AGK: variants seen among roughly 807,000 people sequenced by gnomAD.
AGK encodes acylglycerol kinase, also known as acylglycerol kinase, mitochondrial.
In AGK, 52 loss-of-function variants were observed where a neutral mutation model predicts 66.4. That is an observed-to-expected ratio of 0.78 (90% confidence interval 0.63 to 0.99). AGK has a LOEUF of 0.99. Ranked by LOEUF, AGK falls within the 50% of genes least tolerant of loss-of-function variation. The pLI, the probability that AGK is intolerant of heterozygous loss-of-function variation, is 0.00. For synonymous variants in AGK, 182 were observed against 181.1 expected (o/e 1.00, Z -0.04); for missense variants, 451 against 506.6 (o/e 0.89, Z 1.05).
chr7:141,619,586 C>G (rs1025972329), intron 8 of AGK, among the ~76,000 whole-genome samples: 2 of 151,602 alleles, frequency 1.3e-5, no homozygotes, highest in Non-Finnish European at 2.9e-5. Flanking sequence ...TGTAAAGCTT[C>G]TAGAAGAAAA....
At chr7:141,648,718 TTC>T (rs1797475409) in intron 13 of AGK, among the ~76,000 whole-genome samples, 1 of 152,310 alleles carries the variant, frequency 6.6e-6, no homozygotes, top group East Asian at 1.9e-4. Context: ...ATCCAGAGCT[TTC>T]TGTGGCTGGA....
At chr7:141,567,056 T>G (rs1438813913) in intron 2 of AGK, among the ~76,000 whole-genome samples, 1 of 152,200 alleles carries the variant, frequency 6.6e-6, no homozygotes, top group Non-Finnish European at 1.5e-5. Flanking sequence ...GGGATACTTT[T>G]CATGCCACAT....
intron 5 of AGK, among the ~76,000 whole-genome samples, chr7:141,609,724 G>A (rs1007542250): frequency 6.6e-6 from 1 of 152,180 alleles, no homozygotes; most frequent in Non-Finnish European, 1.5e-5. Context: ...GGGGCTAAAA[G>A]TTCCAACCCT....
At chr7:141,611,492 T>A (rs376245201) in intron 6 of AGK, among the ~76,000 whole-genome samples, 1 of 152,152 alleles carries the variant, frequency 6.6e-6, no homozygotes. Flanking sequence ...ACCCAGCACA[T>A]AGAAGGATTT....
At chr7:141,634,813 T>C (rs980801905) in intron 10 of AGK, among the ~76,000 whole-genome samples, 1 of 151,652 alleles carries the variant, frequency 6.6e-6, no homozygotes, top group Admixed American at 6.6e-5. Flanking sequence ...TTTCACTTAA[T>C]AGGCCAGCCT....
intron 2 of AGK, among the ~76,000 whole-genome samples, chr7:141,590,998 T>A (rs1340721232): frequency 6.6e-6 from 1 of 151,636 alleles, no homozygotes; most frequent in Non-Finnish European, 1.5e-5. Flanking sequence ...GGGGTGAGTC[T>A]CCTGAAAATC....
At chr7:141,617,142 A>G (rs1796723957) in intron 8 of AGK, among the ~76,000 whole-genome samples, 1 of 152,116 alleles carries the variant, frequency 6.6e-6, no homozygotes, top group South Asian at 2.1e-4. Flanking sequence ...TGTTGGTTAC[A>G]TTAGAGAGCT....
At chr7:141,561,088 C>T (rs139902924) in intron 2 of AGK, among the ~76,000 whole-genome samples, 9,163 of 152,268 alleles carry the variant, frequency 0.06, 328 homozygotes, top group Non-Finnish European at 0.07. Context: ...CCACCGCGCC[C>T]GGCCCATTAT....
intron 7 of AGK, among the ~76,000 whole-genome samples, chr7:141,614,872 GCACTTTT>G (rs1796673712): frequency 1.3e-5 from 2 of 152,152 alleles, no homozygotes; most frequent in African/African-American, 4.8e-5. Context: ...ATTATTTTAT[GCACTTTT>G]CTACAATAGC....
At chr7:141,553,338 A>G (rs1357042526) in intron 1 of AGK, among the ~76,000 whole-genome samples, 1 of 152,158 alleles carries the variant, frequency 6.6e-6, no homozygotes, top group Non-Finnish European at 1.5e-5. Flanking sequence ...GCATTCAGAC[A>G]ATAGCATCCA....
intron 9 of AGK, among the ~76,000 whole-genome samples, chr7:141,631,574 C>T (rs937695726): frequency 6.6e-6 from 1 of 152,166 alleles, no homozygotes; most frequent in Non-Finnish European, 1.5e-5. Context: ...CAAAATATAT[C>T]CAAAATCAAG....
At chr7:141,611,950 C>A (rs1013241823) in intron 6 of AGK, among the ~76,000 whole-genome samples, 8 of 152,206 alleles carry the variant, frequency 5.3e-5, no homozygotes, top group African/African-American at 1.9e-4. Context: ...AAACTGAACA[C>A]ACTGTTAACA....
In AGK at chr7:141,652,873, C is replaced by G; in HGVS notation, c.1218C>G (p.Phe406Leu). The G allele has an allele frequency of 1.9e-6, 3 of 1,614,064 alleles. No homozygotes were observed. Among genetic ancestry groups the G allele is most frequent in the Non-Finnish European group, 2.5e-6 (3 of 1,180,004 alleles). The change falls in exon 16 of 16, where the codon TTC becomes TTG. Residue 406 changes from phenylalanine (F) to leucine (L), a missense_variant. Physicochemically the swap from Phe to Leu is conservative, Grantham distance 22. Transcript: ENST00000649286. Reference protein sequence around the residue: ...EVKLLPRKLQFFCDPRKREQM... With the variant: ...EVKLLPRKLQLFCDPRKREQM... ...AACTGCTCCCCAGGAAGCTGCAGTT[C>G]TTCTGTGATCCTAGGAAGAGAGAAC... is the stretch of plus-strand genomic sequence containing the variant.
chr7:141,635,462 T>C (rs1797150914), intron 10 of AGK, among the ~76,000 whole-genome samples: 1 of 152,094 alleles, frequency 6.6e-6, no homozygotes, highest in South Asian at 2.1e-4. Context: ...AAAGTAAATT[T>C]TAAAAAATAA....
At chr7:141,629,011 A>G (rs1279877312) in intron 9 of AGK, among the ~76,000 whole-genome samples, 2 of 152,146 alleles carry the variant, frequency 1.3e-5, no homozygotes, top group African/African-American at 4.8e-5. Context: ...GTTCATGGGG[A>G]GTTAGAACCT....
At chr7:141,554,020 C>T (rs544140116) in intron 1 of AGK, among the ~76,000 whole-genome samples, 1 of 152,078 alleles carries the variant, frequency 6.6e-6, no homozygotes, top group African/African-American at 2.4e-5. Flanking sequence ...CCCACCATTC[C>T]ACAACCTAGA....
chr7:141,576,616 A>G (rs1394355021), intron 2 of AGK, among the ~76,000 whole-genome samples: 3 of 150,444 alleles, frequency 2.0e-5, no homozygotes, highest in African/African-American at 7.4e-5. Flanking sequence ...AGATACTGAT[A>G]CTAGAGACAA....
chr7:141,630,578 C>G (rs1285414744), intron 9 of AGK, among the ~76,000 whole-genome samples: 1 of 151,948 alleles, frequency 6.6e-6, no homozygotes, highest in Non-Finnish European at 1.5e-5. Flanking sequence ...TTATATTTTC[C>G]TTGACCATCT....
chr7:141,579,746 A>G (rs1795843120), intron 2 of AGK, among the ~76,000 whole-genome samples: 1 of 151,970 alleles, frequency 6.6e-6, no homozygotes, highest in Non-Finnish European at 1.5e-5. Context: ...CTAGCGGCTT[A>G]TAACCTACAT....
Sources: gnomAD v4.1 joint callset for allele counts (sites outside exome capture counted in the v4.1 genomes callset) on GRCh38, gnomAD v4.1.1 for gene constraint, MANE v1.5 for transcripts, NCBI Gene and HGNC (gene_info 2026-07-23, HGNC 2026-07-21) for gene names.